The following CTNND2 variants were observed in gnomAD, a reference collection of about 807,000 sequenced individuals.
CTNND2 encodes catenin delta-2.
A neutral mutation model predicts 144.4 loss-of-function variants in CTNND2; 22 were observed. The observed-to-expected ratio is 0.15, with a 90% CI of 0.11 to 0.22. The LOEUF (loss-of-function observed/expected upper bound fraction) is 0.22. CTNND2 is among the 10% of genes least tolerant of loss of function. CTNND2 has a pLI of 1.00. For synonymous variants in CTNND2, 751 were observed against 695.6 expected, an observed-to-expected ratio of 1.08 and a Z score of -1.25; for missense variants, 1,353 against 1,618.8, an observed-to-expected ratio of 0.84 and a Z score of 2.82.
intron 1 of CTNND2, among the ~76,000 whole-genome samples, chr5:11,752,370 G>C (rs1340691873): frequency 6.6e-6 from 1 of 151,464 alleles, no homozygotes; most frequent in African/African-American, 2.4e-5. Flanking sequence ...ATGTAAGGAA[G>C]GGATCCAGTT....
intron 1 of CTNND2, among the ~76,000 whole-genome samples, chr5:11,864,726 C>G (rs1261715381): frequency 6.6e-6 from 1 of 152,102 alleles, no homozygotes; most frequent in Non-Finnish European, 1.5e-5. Flanking sequence ...TTAAGAGCAG[C>G]CCTGCCATGC....
At chr5:11,404,836 C>T (rs952408523) in intron 5 of CTNND2, among the ~76,000 whole-genome samples, 1 of 152,000 alleles carries the variant, frequency 6.6e-6, no homozygotes, top group Non-Finnish European at 1.5e-5. Flanking sequence ...TCTCAAACTA[C>T]TGACCTCAAG....
intron 16 of CTNND2, among the ~76,000 whole-genome samples, chr5:11,038,603 T>A (rs1389578204): frequency 2.0e-5 from 3 of 152,076 alleles, no homozygotes; most frequent in African/African-American, 7.2e-5. Flanking sequence ...CTCAGAGAGA[T>A]GGAATAATCT....
chr5:11,482,761 T>C (rs1768403245), intron 3 of CTNND2, among the ~76,000 whole-genome samples: 1 of 152,046 alleles, frequency 6.6e-6, no homozygotes, highest in South Asian at 2.1e-4. Flanking sequence ...ACCAGGAGAC[T>C]GTTGTAGCAA....
At chr5:11,204,574 TTG>T (rs1737843571) in intron 10 of CTNND2, among the ~76,000 whole-genome samples, 1 of 151,782 alleles carries the variant, frequency 6.6e-6, no homozygotes, top group South Asian at 2.1e-4. Context: ...AGGGCCCCAT[TTG>T]TTACTCTTAA....
chr5:11,186,572 C>T (rs32279), intron 11 of CTNND2, among the ~76,000 whole-genome samples: 3,546 of 152,252 alleles, frequency 0.023, 143 homozygotes, highest in African/African-American at 0.081. Context: ...ATTATTTTGG[C>T]GTCTCTCAAA....
chr5:11,898,815 T>C (rs1242699470), intron 1 of CTNND2, among the ~76,000 whole-genome samples: 1 of 152,212 alleles, frequency 6.6e-6, no homozygotes, highest in Non-Finnish European at 1.5e-5. Flanking sequence ...ACATTTATTG[T>C]AAAAATGTTT....
chr5:11,516,960 A>C (rs967516624), intron 3 of CTNND2, among the ~76,000 whole-genome samples: 2 of 152,210 alleles, frequency 1.3e-5, no homozygotes, highest in African/African-American at 4.8e-5. Flanking sequence ...CCATATGTTT[A>C]TGTAGTTACT....
chr5:11,404,259 A>G (rs1760884970), intron 5 of CTNND2, among the ~76,000 whole-genome samples: 1 of 152,172 alleles, frequency 6.6e-6, no homozygotes. Context: ...AGGGGCCACG[A>G]AGACCCCAGA....
intron 3 of CTNND2, among the ~76,000 whole-genome samples, chr5:11,533,507 G>A (rs1367334260): frequency 6.6e-6 from 1 of 152,188 alleles, no homozygotes; most frequent in African/African-American, 2.4e-5. Flanking sequence ...CTTGGCCATG[G>A]CACAGAGGTC....
At chr5:11,375,658 AC>A (rs1365445600) in intron 7 of CTNND2, among the ~76,000 whole-genome samples, 1 of 152,168 alleles carries the variant, frequency 6.6e-6, no homozygotes, top group Non-Finnish European at 1.5e-5. Flanking sequence ...AATTGATGAA[AC>A]CAATCTATAG....
chr5:11,569,952 AT>A (rs1388374664), intron 2 of CTNND2, among the ~76,000 whole-genome samples: 1 of 152,202 alleles, frequency 6.6e-6, no homozygotes, highest in Non-Finnish European at 1.5e-5. Flanking sequence ...TGTTTCAGCT[AT>A]TTATAAGCAA....
At chr5:11,314,650 G>A (rs1751318236) in intron 9 of CTNND2, among the ~76,000 whole-genome samples, 1 of 152,330 alleles carries the variant, frequency 6.6e-6, no homozygotes. Context: ...TACTGGCATA[G>A]GCCACTGCAC....
At chr5:11,066,822 G>T (rs963603723) in intron 16 of CTNND2, among the ~76,000 whole-genome samples, 3 of 152,292 alleles carry the variant, frequency 2.0e-5, no homozygotes, top group Middle Eastern at 3.4e-3. Flanking sequence ...GCCAGAATGT[G>T]GTCTCAGGTC....
intron 3 of CTNND2, among the ~76,000 whole-genome samples, chr5:11,430,248 CAAAAAAAAAAAA>C (rs1307787997): frequency 2.6e-5 from 1 of 38,482 alleles, no homozygotes. Context: ...GACTCCGTCT[CAAAAAAAAAAAA>C]AAAAAAAAAA....
At chr5:11,197,930 A>G (rs1277961514) in intron 11 of CTNND2, among the ~76,000 whole-genome samples, 1 of 152,212 alleles carries the variant, frequency 6.6e-6, no homozygotes, top group Admixed American at 6.5e-5. Context: ...AATTCTTTTC[A>G]AATCATAAAT....
At chr5:11,502,701 T>C (rs942310018) in intron 3 of CTNND2, among the ~76,000 whole-genome samples, 9 of 152,106 alleles carry the variant, frequency 5.9e-5, no homozygotes, top group Admixed American at 2.0e-4. Flanking sequence ...ATCATCCTCA[T>C]AGGGTTTTGC....
intron 1 of CTNND2, among the ~76,000 whole-genome samples, chr5:11,742,950 C>T (rs895209247): frequency 6.6e-6 from 1 of 152,156 alleles, no homozygotes; most frequent in African/African-American, 2.4e-5. Context: ...ACTAGCATAT[C>T]GCTACCAAAA....
intron 1 of CTNND2, among the ~76,000 whole-genome samples, chr5:11,869,709 G>A (rs145009921): frequency 0.011 from 1,636 of 152,240 alleles, 40 homozygotes; most frequent in African/African-American, 0.037. Context: ...ACTTAAAAAC[G>A]GCTAAGGTGG....
Sources: allele counts gnomAD v4.1 joint callset (sites outside exome capture counted in the v4.1 genomes callset), GRCh38; gene constraint gnomAD v4.1.1; transcripts MANE v1.5; gene names NCBI Gene and HGNC (gene_info 2026-07-23, HGNC 2026-07-21).